The following IGSF9B variants were observed in gnomAD, a reference collection of about 807,000 sequenced individuals.
IGSF9B encodes the protein immunoglobulin superfamily member 9B.
In IGSF9B, 48 loss-of-function variants were observed where a neutral mutation model predicts 143.7. The observed-to-expected ratio is 0.33, with a 90% confidence interval of 0.26 to 0.42. The LOEUF (loss-of-function observed/expected upper bound fraction) is 0.42. Among genes scored for constraint, IGSF9B ranks in the 20% least tolerant of loss-of-function variants. The pLI, the probability that IGSF9B is intolerant of heterozygous loss-of-function variation, is 1.00. For synonymous variants in IGSF9B, 903 were observed against 833.1 expected (o/e 1.08, Z -1.44); for missense variants, 1,706 against 1,980.0 (o/e 0.86, Z 2.63).
chr11:133,939,754 C>T (rs1021026158), intron 3 of IGSF9B, among the ~76,000 whole-genome samples: 4 of 151,952 alleles, frequency 2.6e-5, no homozygotes, highest in East Asian at 1.9e-4. Flanking sequence ...TCCTTGCACG[C>T]GTCATCGCAC....
Position 133,946,087 on chromosome 11 carries a change from G to A in IGSF9B, c.236C>T (p.Pro79Leu), listed in dbSNP as rs1304141127. 9 of 1,597,302 alleles carry A rather than the reference G, an allele frequency of 5.6e-6. No individual in the cohort carries two copies. Among genetic ancestry groups the A allele is most frequent in the South Asian group, 1.1e-5 (1 of 88,650 alleles). Residue 79 changes from proline (P) to leucine (L), a missense_variant, in exon 2 of 20, where the codon CCG becomes CTG. This residue lies in a region of IGSF9B where 171 missense variants were observed against 213.9 expected (regional missense o/e 0.80). Coordinates refer to ENST00000533871, the MANE Select transcript of IGSF9B (RefSeq NM_001277285.4). ...TGCATACTCAGGGTCCACGTGCGGC[G>A]GGTAGTAGCCAAACTTGATGAAGAT... ...IPIFIKFGYY[P>L]PHVDPEYAGR...
In IGSF9B at chr11:133,925,940, G is replaced by C. The variant is rs1252022345; in HGVS notation, c.1833C>G (p.Pro611=). ...TLAFPITTPE[P]LVLVTPPRCL... ...ACCTCGGTGGGGTGACCAGCACCAG[G>C]GGTTCTGGAGTTGTAATAGGGAATG... The change falls in exon 14 of 20, where the codon CCC becomes CCG. Residue 611 remains proline (P), a synonymous_variant. Transcript: ENST00000533871. 2 of 1,605,364 alleles carry C rather than the reference G, an allele frequency of 1.2e-6. No individual in the cohort carries two copies. Among genetic ancestry groups the C allele is most frequent in the East Asian group, 4.5e-5 (2 of 44,476 alleles).
chr11:133,936,100 G>A lies in IGSF9B; in HGVS notation c.774C>T (p.Asn258=). Residue 258 remains asparagine, a synonymous_variant, in exon 6 of 20, where the codon AAC becomes AAT. Coordinates refer to ENST00000533871, the MANE Select transcript of IGSF9B (RefSeq NM_001277285.4). ...CCTGCCAGTACCAGGTGTAGGTGAGGTTGCCCGGATACGCCTCTGCCCGGC... is the reference window on the plus strand; with the variant it reads ...CCTGCCAGTACCAGGTGTAGGTGAGATTGCCCGGATACGCCTCTGCCCGGC... ...LTCRAEAYPG[N]LTYTWYWQDE... 1.2e-6 allele frequency: 2 copies of A among 1,613,702 alleles called. No individual in the cohort carries two copies. Among genetic ancestry groups the A allele is most frequent in the South Asian group, 1.1e-5 (1 of 90,998 alleles).
In IGSF9B at chr11:133,913,236, G is replaced by A. The variant is rs1234647703; in HGVS notation, c.3984-1229C>T. Among the ~76,000 whole-genome samples, 1 of 152,006 alleles carries A rather than the reference G, an allele frequency of 6.6e-6. No individual in the cohort carries two copies. Among genetic ancestry groups the A allele is most frequent in the Non-Finnish European group, 1.5e-5 (1 of 68,022 alleles). On this transcript the variant is annotated intron_variant, in intron 18 of 19. Transcript: ENST00000533871. The surrounding 1 kb of genome is among the most constrained non-coding windows in gnomAD (Gnocchi z 4.6). ...CCCTCCCCTATCTCCATTGCAAACA[G>A]TTTTTGGAAAGTCCTGATTAAAAGA...
At chr11:133,938,731 A>G (rs1366175894) in intron 3 of IGSF9B, among the ~76,000 whole-genome samples, 1 of 152,110 alleles carries the variant, frequency 6.6e-6, no homozygotes, top group Admixed American at 6.5e-5. Flanking sequence ...TCTGAACTCC[A>G]GCCCGGAGGC....
intron 3 of IGSF9B, among the ~76,000 whole-genome samples, chr11:133,940,521 A>G (rs1403941683): frequency 1.7e-5 from 2 of 120,360 alleles, no homozygotes; most frequent in African/African-American, 3.2e-5. Context: ...ACGCGTCATC[A>G]CATGCAAAAA....
rs1591704527 is a variant in IGSF9B, at chr11:133,903,722, T to C, written c.*5347A>G. ...TCGGCAACCCAACACACAGAACATCTGGTGGGGTTATTATACTTGCTCCTG... is the reference window on the plus strand; with the variant it reads ...TCGGCAACCCAACACACAGAACATCCGGTGGGGTTATTATACTTGCTCCTG... On this transcript the variant is annotated 3_prime_UTR_variant, in exon 20 of 20. Coordinates refer to ENST00000533871, the MANE Select transcript of IGSF9B (RefSeq NM_001277285.4). Among the ~76,000 whole-genome samples the C allele has an allele frequency of 6.6e-6, 1 of 152,128 alleles. No homozygotes were observed. The highest frequency in any genetic ancestry group is 1.5e-5 in the Non-Finnish European group (1 of 68,028).
In IGSF9B at chr11:133,920,521, C is replaced by T; in HGVS notation, c.3204G>A (p.Glu1068=). ...GGAGGCCGGCCTTGGGCTGCAGACTCTCGGGCACATCACAGGGTGGCAGCT... is the reference window on the plus strand; with the variant it reads ...GGAGGCCGGCCTTGGGCTGCAGACTTTCGGGCACATCACAGGGTGGCAGCT... The part of the protein sequence containing the change: ...PHQLPPCDVP[E]SLQPKAGLPR... The change falls in exon 18 of 20, where the codon GAG becomes GAA. Residue 1068 remains glutamate, a synonymous_variant. Transcript: ENST00000533871. The T allele has an allele frequency of 1.2e-6, 2 of 1,606,354 alleles. No individual in the cohort carries two copies. The highest frequency in any genetic ancestry group is 8.5e-7 in the Non-Finnish European group (1 of 1,176,418).
At position 133,945,978 on chromosome 11, in the gene IGSF9B, G is replaced by T; in HGVS notation, c.262+83C>A. 2 of 928,640 alleles carry T rather than the reference G, an allele frequency of 2.2e-6. No individual in the cohort carries two copies. The highest frequency in any genetic ancestry group is 3.3e-6 in the Non-Finnish European group (2 of 612,044). 57.5% of individuals were successfully genotyped at this position (928,640 alleles called of 1,614,324 possible). Reference sequence around the variant, plus strand: ...GGAAACAGAGATAAAGAGTGGTCAGGACAAGGCAGGGGCCAGAGGGGAACC... The same window carrying T: ...GGAAACAGAGATAAAGAGTGGTCAGTACAAGGCAGGGGCCAGAGGGGAACC... On this transcript the variant is annotated intron_variant, in intron 2 of 19. Transcript: ENST00000533871. This position sits in a 1 kb window ranked among gnomAD's most constrained non-coding sequence, Gnocchi z 4.6.
intron 6 of IGSF9B, 129 bp downstream of exon 6, chr11:133,935,924 G>A (rs747150607): frequency 9.4e-6 from 13 of 1,386,198 alleles, no homozygotes; most frequent in East Asian, 7.4e-5. Context: ...TGAGACACAC[G>A]GACCAGACTG....
chr11:133,902,580 AC>A lies in IGSF9B; in HGVS notation c.*6488del, dbSNP rs2121256073. 6.8e-6 allele frequency among the ~76,000 whole-genome samples: 1 copy of A among 146,326 alleles called. No homozygotes were observed. The highest frequency in any genetic ancestry group is 2.5e-5 in the African/African-American group (1 of 39,782). ...ACACACACACACCCCACACACACAC[AC>A]ACACACCCCACTTACTTCCTGAATC... On this transcript the variant is annotated 3_prime_UTR_variant, in exon 20 of 20. Coordinates refer to ENST00000533871, the MANE Select transcript of IGSF9B (RefSeq NM_001277285.4).
intron 15 of IGSF9B, 79 bp downstream of exon 15, chr11:133,924,741 G>T: frequency 2.6e-6 from 3 of 1,156,028 alleles, no homozygotes; most frequent in Non-Finnish European, 3.9e-6. Flanking sequence ...TCGTGGAGTA[G>T]CCATTTCACA....
rs1939848249 is a variant in IGSF9B at position 133,937,577 on chromosome 11, CACTA to C, written c.562-88_562-85del. 4.2e-6 allele frequency: 5 copies of C among 1,189,048 alleles called. No homozygotes were observed. In the Admixed American group the frequency reaches 9.4e-5, roughly 22 times the overall value. The allele number at this position is 1,189,048 out of a possible 1,614,324, so 73.7% of individuals were successfully genotyped here. Reference sequence around the variant, plus strand: ...TCAAACACGGAGATGCAGTCGGAGACACTAAGGTGGAGATGACCACAGGGACAGA... The same window carrying C: ...TCAAACACGGAGATGCAGTCGGAGACAGGTGGAGATGACCACAGGGACAGA... On this transcript the variant is annotated intron_variant, in intron 4 of 19. Coordinates refer to ENST00000533871, the MANE Select transcript of IGSF9B (RefSeq NM_001277285.4).
Position 133,921,183 on chromosome 11 carries a change from C to T in IGSF9B, c.2542G>A (p.Glu848Lys). The T allele has an allele frequency of 1.9e-6, 3 of 1,609,126 alleles. No homozygotes were observed. The highest frequency in any genetic ancestry group is 1.3e-5 in the African/African-American group (1 of 74,992). Residue 848 changes from glutamate to lysine, a missense_variant, in exon 18 of 20, where the codon GAG becomes AAG. Glu to Lys is a moderately conservative substitution (Grantham distance 56). This residue lies in a region of IGSF9B where 135 missense variants were observed against 181.3 expected (regional missense o/e 0.74). Transcript: ENST00000533871. ...CCGTCAGGGCCTCTGCTGATGAGCT[C>T]GATGGGCGTGGTGGCCTCTGCCTCG... ...EAEAEATTPI[E>K]LISRGPDGRF...
rs931586172 is a variant in IGSF9B, at chr11:133,948,915, T to G, written c.65-2657A>C. ...TAGCGGGCAACGCCAGGAGGTGGGT[T>G]GGCTTTGACGTGGGTTCCCGCTGTG... On this transcript the variant is annotated intron_variant, in intron 1 of 19. Transcript: ENST00000533871. This position sits in a 1 kb window ranked among gnomAD's most constrained non-coding sequence, Gnocchi z 4.7. 6.6e-6 allele frequency among the ~76,000 whole-genome samples: 1 copy of G among 152,138 alleles called. No homozygotes were observed. The highest frequency in any genetic ancestry group is 1.5e-5 in the Non-Finnish European group (1 of 68,016).
chr11:133,927,530 T>C (rs1469980508), intron 12 of IGSF9B, among the ~76,000 whole-genome samples: 1 of 152,124 alleles, frequency 6.6e-6, no homozygotes, highest in Non-Finnish European at 1.5e-5. Flanking sequence ...ACAGCTGAAG[T>C]AGGGCCTCGG....
At chr11:133,915,353 C>T (rs947509972) in intron 18 of IGSF9B, among the ~76,000 whole-genome samples, 4 of 147,474 alleles carry the variant, frequency 2.7e-5, no homozygotes, top group African/African-American at 1.0e-4. Context: ...ACTGCTGCCT[C>T]GACCTCCCCA....
In IGSF9B at chr11:133,931,658, C is replaced by T; in HGVS notation, c.1248G>A (p.Leu416=). The T allele has an allele frequency of 6.2e-7, 1 of 1,608,774 alleles. No homozygotes were observed. Among genetic ancestry groups the T allele is most frequent in the Non-Finnish European group, 8.5e-7 (1 of 1,176,990 alleles). The change falls in exon 9 of 20, where the codon CTG becomes CTA. Residue 416 remains leucine, a synonymous_variant. Coordinates refer to ENST00000533871, the MANE Select transcript of IGSF9B (RefSeq NM_001277285.4). This position sits in a 1 kb window ranked among gnomAD's most constrained non-coding sequence, Gnocchi z 7.7. ...MGQSAPARLV[L]KDPPYFTVLP... is the part of the protein sequence containing the mutation. ...CGTCACAGCCCTGGGACCTCACCTT[C>T]AGGACAAGCCTCGCAGGGGCAGACT... is the stretch of plus-strand genomic sequence containing the variant.
chr11:133,909,276 G>A lies in IGSF9B; in HGVS notation c.4107C>T (p.Asp1369=), dbSNP rs781234687. 1.0e-5 allele frequency: 16 copies of A among 1,535,330 alleles called. 1 individual carries two copies. In the East Asian group the frequency reaches 1.2e-4, roughly 12 times the overall value. The change falls in exon 20 of 20, where the codon GAC becomes GAT. Residue 1369 remains aspartate (D), a splice_region_variant and synonymous_variant. Coordinates refer to ENST00000533871, the MANE Select transcript of IGSF9B (RefSeq NM_001277285.4). The surrounding 1 kb of genome is among the most constrained non-coding windows in gnomAD (Gnocchi z 4.2). ...KGSSKSKKRS[D]DSASQTQQLP... ...GCTGCTGAGTCTGGGAGGCAGAATC[G>A]TCTAGGAAGAAAGGAAGAGGGACGC...
Sources: allele counts gnomAD v4.1 joint callset (sites outside exome capture counted in the v4.1 genomes callset), GRCh38; gene constraint gnomAD v4.1.1; regional missense constraint gnomAD v4.1.1; non-coding constraint Gnocchi (gnomAD v3.1); transcripts MANE v1.5; gene names NCBI Gene and HGNC (gene_info 2026-07-23, HGNC 2026-07-21).